The following EIF2A variants were observed in gnomAD, a reference collection of about 807,000 sequenced individuals.
The protein encoded by EIF2A is eukaryotic translation initiation factor 2A, also known as 65 kDa eukaryotic translation initiation factor 2A.
In EIF2A, 62 loss-of-function variants were observed where a neutral mutation model predicts 75.2. That is an observed-to-expected ratio of 0.82 (90% CI 0.67 to 1.02). The LOEUF is 1.02. Among genes scored for constraint, EIF2A ranks in the 50% least tolerant of loss-of-function variants. The pLI is 0.00. For missense variants in EIF2A, 611 were observed against 677.7 expected (o/e 0.90, Z 1.09); for synonymous variants, 207 against 239.0 (o/e 0.87, Z 1.23).
chr3:150,556,963 A>G (rs894577154), intron 2 of EIF2A, among the ~76,000 whole-genome samples: 2 of 152,200 alleles, frequency 1.3e-5, no homozygotes, highest in African/African-American at 4.8e-5. Flanking sequence ...CTGTAAACAT[A>G]ATTTTGGCAA....
Position 150,568,162 on chromosome 3 carries a change from T to G in EIF2A, c.695-14T>G, listed in dbSNP as rs1724293780. On this transcript the variant is annotated splice_polypyrimidine_tract_variant and intron_variant, in intron 8 of 13. Coordinates refer to ENST00000460851, the MANE Select transcript of EIF2A (RefSeq NM_032025.5). ...TTTGTGTTTTAAATCTAATTAAAGT[T>G]TTTACTGTTATAGCTACTGCTGTGT... 1.2e-6 allele frequency: 2 copies of G among 1,607,438 alleles called. No individual in the cohort carries two copies. The highest frequency in any genetic ancestry group is 2.7e-5 in the African/African-American group (2 of 74,468).
chr3:150,583,825 C>G, intron 13 of EIF2A, 21 bp from the exon 14 acceptor site: 1 of 1,610,174 alleles, frequency 6.2e-7, no homozygotes, highest in Non-Finnish European at 8.5e-7. Context: ...ATAATAACTT[C>G]ATTGTTTCAA....
chr3:150,560,561 A>G (rs568494522), intron 3 of EIF2A, among the ~76,000 whole-genome samples: 60 of 152,348 alleles, frequency 3.9e-4, no homozygotes, highest in African/African-American at 1.3e-3. Flanking sequence ...ATTTGCAGCA[A>G]GTTGTAAAGA....
Position 150,563,616 on chromosome 3 carries a change from T to G in EIF2A, c.392+2T>G. 1 of 1,524,492 alleles carries G rather than the reference T, an allele frequency of 6.6e-7. No homozygotes were observed. Among genetic ancestry groups the G allele is most frequent in the Non-Finnish European group, 8.8e-7 (1 of 1,136,696 alleles). The allele number at this position is 1,524,492 out of a possible 1,614,324, so 94.4% of individuals were successfully genotyped here. A position where few individuals can be genotyped will look rare whatever the true frequency, so the allele number is the denominator to read the frequency against. On this transcript the variant is annotated splice_donor_variant, in intron 5 of 13. Coordinates refer to ENST00000460851, the MANE Select transcript of EIF2A (RefSeq NM_032025.5). LOFTEE classifies it high-confidence loss of function. ...CATCCAGAAAAAAATGCAAAATTGG[T>G]AAATAAATGGCTTAAAATACTAATT...
Position 150,567,652 on chromosome 3 carries a change from G to A in EIF2A, c.476-41G>A, listed in dbSNP as rs184381160. The A allele has an allele frequency of 1.5e-4, 200 of 1,331,620 alleles. No homozygotes were observed. Among genetic ancestry groups the A allele is most frequent in the Non-Finnish European group, 1.9e-4 (185 of 960,526 alleles). The allele number at this position is 1,331,620 out of a possible 1,614,324, so 82.5% of individuals were successfully genotyped here. A position where few individuals can be genotyped will look rare whatever the true frequency, so the allele number is the denominator to read the frequency against. On this transcript the variant is annotated intron_variant, in intron 6 of 13. Transcript: ENST00000460851. ...TTCAGAGTTTAACATGTTCCTTTTA[G>A]GTTCTCTCATCAATCTGATTTAATT...
intron 1 of EIF2A, among the ~76,000 whole-genome samples, chr3:150,548,496 G>A (rs1330807912): frequency 6.6e-6 from 1 of 152,140 alleles, no homozygotes; most frequent in African/African-American, 2.4e-5. Flanking sequence ...GCAGTGCCTG[G>A]TAGACAATAG....
chr3:150,567,960 A>G lies in EIF2A; in HGVS notation c.608A>G (p.Tyr203Cys), dbSNP rs922711607. The G allele has an allele frequency of 1.2e-6, 2 of 1,613,584 alleles. No individual in the cohort carries two copies. The highest frequency in any genetic ancestry group is 8.5e-7 in the Non-Finnish European group (1 of 1,179,762). ...GAPSFVRLYQ[Y>C]PNFAGPHAAL... ...CCTTCATTTGTTAGATTATATCAGT[A>G]CCCCAACTTTGCTGGACCTCATGCA... The change falls in exon 8 of 14, where the codon TAC (tyrosine) becomes TGC (cysteine). Residue 203 changes from tyrosine (Y) to cysteine (C), a missense_variant. Transcript: ENST00000460851.
chr3:150,550,902 C>T (rs1723281898), intron 1 of EIF2A, among the ~76,000 whole-genome samples: 1 of 152,202 alleles, frequency 6.6e-6, no homozygotes, highest in African/African-American at 2.4e-5. Context: ...AAGCCATCTG[C>T]CTGCCTCGGC....
chr3:150,572,161 G>C lies in EIF2A; in HGVS notation c.1015G>C (p.Gly339Arg). 1 of 1,613,862 alleles carries C rather than the reference G, an allele frequency of 6.2e-7. No homozygotes were observed. Among genetic ancestry groups the C allele is most frequent in the South Asian group, 1.1e-5 (1 of 91,068 alleles). ...ATTAGCTGGATTTGGAAATCTGAGG[G>C]GACAAATGGAAGTGTGGGATGTGAA... The part of the protein sequence containing the change: ...LVLAGFGNLR[G>R]QMEVWDVKNY... Residue 339 changes from glycine to arginine, a missense_variant, in exon 10 of 14, where the codon GGA becomes CGA. Physicochemically the swap from Gly to Arg is moderately radical, Grantham distance 125 (BLOSUM62 -2). Coordinates refer to ENST00000460851, the MANE Select transcript of EIF2A (RefSeq NM_032025.5).
At chr3:150,553,651 T>C (rs914563305) in intron 2 of EIF2A, among the ~76,000 whole-genome samples, 1 of 152,170 alleles carries the variant, frequency 6.6e-6, no homozygotes, top group Non-Finnish European at 1.5e-5. Context: ...CCTCAGGTGA[T>C]CCACCTGTCT....
At position 150,585,655 on chromosome 3, in the gene EIF2A, A is replaced by G. The variant is rs922899845; in HGVS notation, c.*1744A>G. On this transcript the variant is annotated 3_prime_UTR_variant, in exon 14 of 14. Transcript: ENST00000460851. ...AGATTAGCTATGTATTAGGTAATAC[A>G]TAATGCCTAATACATAACTAATATA... 6.6e-6 allele frequency among the ~76,000 whole-genome samples: 1 copy of G among 152,226 alleles called. No homozygotes were observed.
intron 9 of EIF2A, among the ~76,000 whole-genome samples, chr3:150,571,599 C>T (rs1724526237): frequency 2.0e-5 from 3 of 152,032 alleles, no homozygotes; most frequent in African/African-American, 7.2e-5. Flanking sequence ...AAAGTAAGAT[C>T]CCATTTCTAT....
At chr3:150,564,423 TC>T (rs1345123670) in intron 6 of EIF2A, 42 bp downstream of exon 6, 2 of 1,458,420 alleles carry the variant, frequency 1.4e-6, no homozygotes, top group African/African-American at 2.9e-5. Flanking sequence ...CTTACTGTAA[TC>T]GTATACAGTT....
chr3:150,554,193 C>A (rs1316586253), intron 2 of EIF2A, among the ~76,000 whole-genome samples: 3 of 152,122 alleles, frequency 2.0e-5, no homozygotes, highest in African/African-American at 7.2e-5. Context: ...TAAAGCATGT[C>A]AAGTATATAA....
At position 150,564,342 on chromosome 3, in the gene EIF2A, G is replaced by T; in HGVS notation, c.436G>T (p.Val146Phe). The T allele has an allele frequency of 3.7e-6, 6 of 1,600,550 alleles. No individual in the cohort carries two copies. The highest frequency in any genetic ancestry group is 1.7e-4 in the Middle Eastern group (1 of 5,888). The change falls in exon 6 of 14, where the codon GTT becomes TTT. Residue 146 changes from valine (V) to phenylalanine (F), a missense_variant. Val to Phe is a conservative substitution (Grantham distance 50). Coordinates refer to ENST00000460851, the MANE Select transcript of EIF2A (RefSeq NM_032025.5). ...AGATGAAACTCTTTGTGCCCGCAATGTTAACAATGAAGTTCACTTCTTTGA... is the reference window on the plus strand; with the variant it reads ...AGATGAAACTCTTTGTGCCCGCAATTTTAACAATGAAGTTCACTTCTTTGA... ...SEDETLCARN[V>F]NNEVHFFENN...
intron 3 of EIF2A, chr3:150,558,698 T>C (rs968812975): frequency 7.8e-6 from 2 of 255,874 alleles, no homozygotes; most frequent in African/African-American, 4.5e-5. Context: ...AAAAATATAA[T>C]TTAATGCTAA....
At chr3:150,573,577 T>G (rs1340058734) in intron 10 of EIF2A, among the ~76,000 whole-genome samples, 3 of 152,216 alleles carry the variant, frequency 2.0e-5, no homozygotes, top group African/African-American at 7.2e-5. Flanking sequence ...ACATTTAAGA[T>G]TTCTACTAAA....
At chr3:150,576,625 A>ATGT (rs1724889263) in intron 11 of EIF2A, among the ~76,000 whole-genome samples, 2 of 152,160 alleles carry the variant, frequency 1.3e-5, no homozygotes, top group African/African-American at 4.8e-5. Context: ...TTATGTAAGC[A>ATGT]TGTTACTTGC....
chr3:150,577,475 G>C (rs1179464683), intron 11 of EIF2A, among the ~76,000 whole-genome samples: 2 of 151,916 alleles, frequency 1.3e-5, no homozygotes, highest in African/African-American at 4.8e-5. Flanking sequence ...CAAGTAACTA[G>C]GACTGTACAT....
Sources: gnomAD v4.1 joint callset for allele counts (sites outside exome capture counted in the v4.1 genomes callset) on GRCh38, gnomAD v4.1.1 for gene constraint, MANE v1.5 for transcripts, NCBI Gene and HGNC (gene_info 2026-07-23, HGNC 2026-07-21) for gene names.